Variants in FAM53B observed in about 807,000 individuals in gnomAD.
The protein encoded by FAM53B is family with sequence similarity 53 member B, also known as protein FAM53B.
In FAM53B, 12 loss-of-function variants were observed where a neutral mutation model predicts 32.7. The ratio of observed to expected loss-of-function variants is 0.37; its 90% confidence interval spans 0.24 to 0.59. The LOEUF is 0.59. Ranked by LOEUF, FAM53B falls within the 20% of genes least tolerant of loss-of-function variation. The pLI is 0.72. For synonymous variants in FAM53B, 234 were observed against 228.7 expected, an observed-to-expected ratio of 1.02 and a Z score of -0.21; for missense variants, 477 against 577.7, an observed-to-expected ratio of 0.83 and a Z score of 1.79.
chr10:124,727,289 T>C (rs760696612), intron 1 of FAM53B, among the ~76,000 whole-genome samples: 21 of 130,994 alleles, frequency 1.6e-4, no homozygotes, highest in Non-Finnish European at 2.2e-4. Flanking sequence ...AAGGCACTTG[T>C]AGATAAGAAG....
intron 1 of FAM53B, among the ~76,000 whole-genome samples, chr10:124,728,444 G>A (rs183178247): frequency 1.3e-5 from 2 of 152,328 alleles, no homozygotes; most frequent in Admixed American, 1.3e-4. Flanking sequence ...CCTCGCCCAC[G>A]AGGTGGGGTA....
chr10:124,656,647 C>A (rs972381315), intron 4 of FAM53B, among the ~76,000 whole-genome samples: 17 of 152,196 alleles, frequency 1.1e-4, no homozygotes, highest in Admixed American at 1.1e-3. Flanking sequence ...CCCGAAGGGA[C>A]AACAGGGTTG....
rs566966302 is a variant in FAM53B at position 124,660,206 on chromosome 10, G to A, written c.906+21401C>T. 2.0e-5 allele frequency among the ~76,000 whole-genome samples: 3 copies of A among 152,290 alleles called. No homozygotes were observed. The South Asian group carries it at 6.2e-4, about 32-fold the overall frequency. The stretch of plus-strand genomic sequence containing the variant: ...TCGTTCCACCATATGGAGCGGAAGA[G>A]CCCCACCAAAATGCTTCAGGAGACA... On this transcript the variant is annotated intron_variant, in intron 4 of 4. Transcript: ENST00000337318.
At position 124,621,894 on chromosome 10, in the gene FAM53B, A is replaced by G. The variant is rs918272375; in HGVS notation, c.*1348T>C. ...AGCCAGCCCAATTGCTATTGTTTGCAGAAGACGCCACATTCGCTAAAAGCC... is the reference window on the plus strand; with the variant it reads ...AGCCAGCCCAATTGCTATTGTTTGCGGAAGACGCCACATTCGCTAAAAGCC... On this transcript the variant is annotated 3_prime_UTR_variant, in exon 5 of 5. Coordinates refer to ENST00000337318, the MANE Select transcript of FAM53B (RefSeq NM_014661.4). 6.6e-6 allele frequency: 1 copy of G among 152,474 alleles called. No individual in the cohort carries two copies. Among genetic ancestry groups the G allele is most frequent in the Non-Finnish European group, 1.5e-5 (1 of 68,062 alleles). The allele number at this position is 152,474 out of a possible 1,614,324, so 9.4% of individuals were successfully genotyped here.
At chr10:124,716,426 T>C (rs1294729459) in intron 1 of FAM53B, among the ~76,000 whole-genome samples, 2 of 152,206 alleles carry the variant, frequency 1.3e-5, no homozygotes, top group Non-Finnish European at 2.9e-5. Flanking sequence ...CTCCTGGACT[T>C]TTCAATGTTG....
chr10:124,703,886 C>T (rs551258377), intron 2 of FAM53B: 1 of 152,630 alleles, frequency 6.6e-6, no homozygotes, highest in Non-Finnish European at 1.5e-5. Context: ...ACTGCTTTCC[C>T]TTTCTGAGAT....
chr10:124,686,381 AAG>A (rs1042226267), intron 3 of FAM53B, among the ~76,000 whole-genome samples: 7 of 152,216 alleles, frequency 4.6e-5, no homozygotes, highest in Non-Finnish European at 2.9e-5. Flanking sequence ...GGAAGATTCG[AAG>A]AGTCAGTTTT....
chr10:124,635,382 C>T (rs986028530), intron 4 of FAM53B, among the ~76,000 whole-genome samples: 6 of 152,196 alleles, frequency 3.9e-5, no homozygotes, highest in Middle Eastern at 3.4e-3. Flanking sequence ...CCACCACGCT[C>T]GGCCGACACA....
chr10:124,682,928 C>G lies in FAM53B; in HGVS notation c.134-549G>C, dbSNP rs185003225. Reference sequence around the variant, plus strand: ...CCAGGTTAGTTCACCCCAATTCCACCTTGAAAGCCTTTGCTGATAATAGAA... The same window carrying G: ...CCAGGTTAGTTCACCCCAATTCCACGTTGAAAGCCTTTGCTGATAATAGAA... On this transcript the variant is annotated intron_variant, in intron 3 of 4. Transcript: ENST00000337318. The surrounding 1 kb of genome is among the most constrained non-coding windows in gnomAD (Gnocchi z 5.2). Among the ~76,000 whole-genome samples, 29 of 152,374 alleles carry G rather than the reference C, an allele frequency of 1.9e-4. No homozygotes were observed. The highest frequency in any genetic ancestry group is 7.0e-4 in the African/African-American group (29 of 41,594).
chr10:124,650,543 C>A (rs1339692296), intron 4 of FAM53B, among the ~76,000 whole-genome samples: 1 of 152,210 alleles, frequency 6.6e-6, no homozygotes, highest in Non-Finnish European at 1.5e-5. Flanking sequence ...TTCACACCAA[C>A]CCTGTGAGGC....
At chr10:124,709,875 T>C (rs1949988794) in intron 1 of FAM53B, among the ~76,000 whole-genome samples, 1 of 150,512 alleles carries the variant, frequency 6.6e-6, no homozygotes, top group Admixed American at 6.6e-5. Context: ...GAGTCCAGCA[T>C]GGTCCCACAC....
intron 2 of FAM53B, chr10:124,704,087 A>T (rs534725109): frequency 6.6e-6 from 1 of 152,498 alleles, no homozygotes; most frequent in East Asian, 1.9e-4. Flanking sequence ...CCAACTGCAC[A>T]GCTGGACCCG....
intron 1 of FAM53B, among the ~76,000 whole-genome samples, chr10:124,712,304 C>T (rs534041432): frequency 1.3e-5 from 2 of 151,970 alleles, no homozygotes; most frequent in Admixed American, 6.6e-5. Context: ...TGCAGTGAGC[C>T]GAGATTACAC....
In FAM53B at chr10:124,744,341, A is replaced by AGGCGGCGTGCGGC. The variant is rs763413834; in HGVS notation, c.-516_-504dup. On this transcript the variant is annotated 5_prime_UTR_variant, in exon 1 of 5. Transcript: ENST00000337318. ...GGCGCGGCGGCGGCGTGCAGGAGGC[A>AGGCGGCGTGCGGC]GGCGGCGTGCGGCGGCGGCGGCAGG... 5,552 of 147,000 alleles carry AGGCGGCGTGCGGC rather than the reference A, an allele frequency of 0.038. 157 individuals are homozygous for AGGCGGCGTGCGGC. The highest frequency in any genetic ancestry group is 0.1 in the South Asian group (547 of 5,436). 9.1% of individuals were successfully genotyped at this position (147,000 alleles called of 1,614,324 possible). A position where few individuals can be genotyped will look rare whatever the true frequency, so the allele number is the denominator to read the frequency against.
rs1949290128 is a variant in FAM53B, at chr10:124,619,501, T to C, written c.*3741A>G. ...ACAACATCCAGCTCAGGGAAGCCCCTGCAGCCCCAGAAACAGCCTATGTGC... is the reference window on the plus strand; with the variant it reads ...ACAACATCCAGCTCAGGGAAGCCCCCGCAGCCCCAGAAACAGCCTATGTGC... On this transcript the variant is annotated 3_prime_UTR_variant, in exon 5 of 5. Coordinates refer to ENST00000337318, the MANE Select transcript of FAM53B (RefSeq NM_014661.4). The C allele has an allele frequency of 6.6e-6, 1 of 152,254 alleles. No homozygotes were observed. Among genetic ancestry groups the C allele is most frequent in the South Asian group, 2.1e-4 (1 of 4,816 alleles). The allele number at this position is 152,254 out of a possible 1,614,324, so 9.4% of individuals were successfully genotyped here.
intron 1 of FAM53B, among the ~76,000 whole-genome samples, chr10:124,731,022 T>G (rs1419256260): frequency 6.6e-6 from 1 of 152,230 alleles, no homozygotes; most frequent in Non-Finnish European, 1.5e-5. Context: ...GGGCCAGATT[T>G]AGTCACCAGG....
intron 4 of FAM53B, among the ~76,000 whole-genome samples, chr10:124,678,456 C>T (rs577542531): frequency 2.0e-4 from 31 of 152,326 alleles, no homozygotes; most frequent in African/African-American, 6.7e-4. Flanking sequence ...ATCTGCTGCA[C>T]AGACATGTCA....
chr10:124,662,621 G>A (rs1219436789), intron 4 of FAM53B, among the ~76,000 whole-genome samples: 1 of 151,880 alleles, frequency 6.6e-6, no homozygotes, highest in Non-Finnish European at 1.5e-5. Context: ...TTCAAGACTA[G>A]CCTAAGCAAC....
At position 124,619,704 on chromosome 10, in the gene FAM53B, A is replaced by G. The variant is rs1949293434; in HGVS notation, c.*3538T>C. 6.6e-6 allele frequency: 1 copy of G among 152,534 alleles called. No homozygotes were observed. Among genetic ancestry groups the G allele is most frequent in the Non-Finnish European group, 1.5e-5 (1 of 68,022 alleles). The allele number at this position is 152,534 out of a possible 1,614,324, so 9.4% of individuals were successfully genotyped here. Reference sequence around the variant, plus strand: ...TCTTTTCTCTTTAAAGAGGCATGACAGAGGGGTTTGACCAACAGCGTGGAC... The same window carrying G: ...TCTTTTCTCTTTAAAGAGGCATGACGGAGGGGTTTGACCAACAGCGTGGAC... On this transcript the variant is annotated 3_prime_UTR_variant, in exon 5 of 5. Transcript: ENST00000337318.
Sources: allele counts gnomAD v4.1 joint callset (sites outside exome capture counted in the v4.1 genomes callset), GRCh38; gene constraint gnomAD v4.1.1; non-coding constraint Gnocchi (gnomAD v3.1); transcripts MANE v1.5; gene names NCBI Gene and HGNC (gene_info 2026-07-23, HGNC 2026-07-21).